PRDM5: variants seen among roughly 807,000 people sequenced by gnomAD.
The protein encoded by PRDM5 is PR domain zinc finger protein 5.
A neutral mutation model predicts 81.2 loss-of-function variants in PRDM5; 56 were observed. That is an observed-to-expected ratio of 0.69 (90% confidence interval 0.56 to 0.86). PRDM5 has a LOEUF of 0.86. Ranked by LOEUF, PRDM5 falls within the 40% of genes least tolerant of loss-of-function variation. PRDM5 has a pLI of 0.00. For synonymous variants in PRDM5, 267 were observed against 256.4 expected, an observed-to-expected ratio of 1.04 and a Z score of -0.39; for missense variants, 697 against 770.1, an observed-to-expected ratio of 0.91 and a Z score of 1.12.
intron 12 of PRDM5, among the ~76,000 whole-genome samples, chr4:120,779,006 A>G (rs752833537): frequency 2.0e-5 from 3 of 152,150 alleles, no homozygotes; most frequent in Admixed American, 1.3e-4. Context: ...GCACTGAATT[A>G]TTCCAAACAG....
At chr4:120,754,367 G>GT (rs919794416) in intron 14 of PRDM5, among the ~76,000 whole-genome samples, 186 bp downstream of exon 14, 11 of 151,312 alleles carry the variant, frequency 7.3e-5, no homozygotes, top group African/African-American at 1.9e-4. Context: ...TTCAATTTGT[G>GT]TTTTTTTTCT....
downstream of PRDM5, among the ~76,000 whole-genome samples, chr4:120,688,825 G>A (rs1733932768): frequency 6.6e-6 from 1 of 152,058 alleles, no homozygotes; most frequent in Admixed American, 6.6e-5. Context: ...CCATTGGCCT[G>A]TACATATCTG....
chr4:120,841,744 T>C (rs925407065), intron 3 of PRDM5, among the ~76,000 whole-genome samples: 5 of 152,152 alleles, frequency 3.3e-5, no homozygotes, highest in African/African-American at 9.7e-5. Context: ...ACGTACATGG[T>C]TGTTAGTTTA....
chr4:120,697,604 C>G (rs746589940), intron 15 of PRDM5, among the ~76,000 whole-genome samples: 9 of 150,452 alleles, frequency 6.0e-5, no homozygotes, highest in Non-Finnish European at 1.2e-4. Flanking sequence ...CGACCTCCCT[C>G]GACTCACATT....
At chr4:120,739,227 G>T (rs1741545943) in intron 14 of PRDM5, among the ~76,000 whole-genome samples, 1 of 152,160 alleles carries the variant, frequency 6.6e-6, no homozygotes, top group Non-Finnish European at 1.5e-5. Context: ...CATCACTTCT[G>T]CTGTATTCTA....
intron 8 of PRDM5, among the ~76,000 whole-genome samples, chr4:120,806,791 A>C (rs1255261805): frequency 6.6e-6 from 1 of 152,230 alleles, no homozygotes; most frequent in East Asian, 1.9e-4. Context: ...AGGCATGGGC[A>C]AGGACTTCAT....
At chr4:120,769,844 T>C (rs898556276) in intron 13 of PRDM5, among the ~76,000 whole-genome samples, 11 of 152,092 alleles carry the variant, frequency 7.2e-5, no homozygotes, top group African/African-American at 2.4e-4. Context: ...AAAACGTCTG[T>C]TTATATTTAG....
chr4:120,706,532 G>T (rs955394299), intron 15 of PRDM5, among the ~76,000 whole-genome samples: 5 of 151,938 alleles, frequency 3.3e-5, no homozygotes, highest in African/African-American at 1.2e-4. Flanking sequence ...CAAGAGAGAT[G>T]TCCTATAGGC....
chr4:120,917,804 A>G (rs1724382018), intron 1 of PRDM5, among the ~76,000 whole-genome samples: 2 of 152,046 alleles, frequency 1.3e-5, no homozygotes, highest in Admixed American at 1.3e-4. Flanking sequence ...GTTTTTTTTA[A>G]AAGTGTGCAT....
At chr4:120,855,585 G>T (rs1229311189) in intron 2 of PRDM5, among the ~76,000 whole-genome samples, 1 of 152,172 alleles carries the variant, frequency 6.6e-6, no homozygotes, top group African/African-American at 2.4e-5. Flanking sequence ...CAATGGGCAT[G>T]TCAGTTCACA....
chr4:120,869,637 C>A (rs757064868), intron 2 of PRDM5, among the ~76,000 whole-genome samples: 6 of 152,226 alleles, frequency 3.9e-5, no homozygotes, highest in Admixed American at 6.5e-5. Context: ...AAACTGTAAA[C>A]TACCATGAAT....
At chr4:120,883,989 T>C (rs892535263) in intron 2 of PRDM5, among the ~76,000 whole-genome samples, 31 of 152,308 alleles carry the variant, frequency 2.0e-4, no homozygotes, top group African/African-American at 7.2e-4. Flanking sequence ...GGGTAAATTT[T>C]GTGGTGTATA....
At chr4:120,690,178 A>G (rs189267243), downstream of PRDM5, among the ~76,000 whole-genome samples, 1 of 152,330 alleles carries the variant, frequency 6.6e-6, no homozygotes, top group Non-Finnish European at 1.5e-5. Context: ...AGTTGGGGTC[A>G]ATGTACTTCA....
chr4:120,788,810 C>T (rs1008199516), intron 10 of PRDM5, among the ~76,000 whole-genome samples: 37 of 152,268 alleles, frequency 2.4e-4, no homozygotes, highest in African/African-American at 8.7e-4. Context: ...ATACTTTTGT[C>T]AAGAAGGATG....
chr4:120,784,238 T>C (rs979853561), intron 11 of PRDM5, among the ~76,000 whole-genome samples: 1 of 152,088 alleles, frequency 6.6e-6, no homozygotes, highest in East Asian at 1.9e-4. Flanking sequence ...TTCTGTGGTG[T>C]TGTAAAAAGA....
intron 1 of PRDM5, among the ~76,000 whole-genome samples, chr4:120,921,813 ACATGCC>A (rs1431431880): frequency 2.6e-5 from 4 of 151,852 alleles, no homozygotes; most frequent in African/African-American, 9.7e-5. Context: ...TCCTCTCATC[ACATGCC>A]TGTAACTTTC....
chr4:120,901,000 G>GCA (rs1406647319), intron 2 of PRDM5, among the ~76,000 whole-genome samples: 12 of 152,226 alleles, frequency 7.9e-5, no homozygotes, highest in African/African-American at 2.9e-4. Flanking sequence ...GGTACATTAA[G>GCA]CACTTTTATA....
rs916790504 is a variant in PRDM5 at position 120,840,026 on chromosome 4, G to C, written c.300+13392C>G. ...GCTGACAGCTGGGAGAAGCCAGGGA[G>C]CGGGAGCAGGCATTTCAGAGCCTGC... On this transcript the variant is annotated intron_variant, in intron 3 of 15. Coordinates refer to ENST00000264808, the MANE Select transcript of PRDM5 (RefSeq NM_018699.4). Among the ~76,000 whole-genome samples the C allele has an allele frequency of 2.0e-5, 3 of 152,238 alleles. No individual in the cohort carries two copies. The East Asian group carries it at 5.8e-4, about 29-fold the overall frequency.
At position 120,773,953 on chromosome 4, in the gene PRDM5, C is replaced by T. The variant is rs1747682998; in HGVS notation, c.1537+3235G>A. 3.3e-5 allele frequency among the ~76,000 whole-genome samples: 5 copies of T among 152,200 alleles called. No individual in the cohort carries two copies. In the South Asian group the frequency reaches 8.3e-4, roughly 25 times the overall value. On this transcript the variant is annotated intron_variant, in intron 13 of 15. Coordinates refer to ENST00000264808, the MANE Select transcript of PRDM5 (RefSeq NM_018699.4). ...CTAGTTTAGCAAATGCAGGTATTTTCTATAAAAATATGTATGCTAACATGT... is the reference window on the plus strand; with the variant it reads ...CTAGTTTAGCAAATGCAGGTATTTTTTATAAAAATATGTATGCTAACATGT...
Sources: gnomAD v4.1 joint callset for allele counts (sites outside exome capture counted in the v4.1 genomes callset) on GRCh38, gnomAD v4.1.1 for gene constraint, MANE v1.5 for transcripts, NCBI Gene and HGNC (gene_info 2026-07-23, HGNC 2026-07-21) for gene names.